TCF4: variants seen among roughly 807,000 people sequenced by gnomAD.
The protein encoded by TCF4 is SL3-3 enhancer factor 2.
Under a neutral mutation model 82.1 loss-of-function variants are expected in TCF4, and 3 were observed. That is an observed-to-expected ratio of 0.04 (90% CI 0.02 to 0.09). The LOEUF is 0.09. Ranked by LOEUF, TCF4 falls within the 10% of genes least tolerant of loss-of-function variation. The probability of loss-of-function intolerance (pLI) is 1.00; values close to 1 mark genes in which losing one functional copy is unlikely to be tolerated. For synonymous variants in TCF4, 276 were observed against 309.6 expected, an observed-to-expected ratio of 0.89 and a Z score of 1.14; for missense variants, 518 against 852.7, an observed-to-expected ratio of 0.61 and a Z score of 4.89.
At chr18:55,570,913 A>G (rs1354838760) in intron 3 of TCF4, among the ~76,000 whole-genome samples, 1 of 151,580 alleles carries the variant, frequency 6.6e-6, no homozygotes, top group Non-Finnish European at 1.5e-5. Flanking sequence ...AAAAAAGACT[A>G]TAATGGGATA....
intron 3 of TCF4, among the ~76,000 whole-genome samples, chr18:55,512,587 A>G (rs374606363): frequency 2.0e-4 from 30 of 152,226 alleles, no homozygotes; most frequent in African/African-American, 7.2e-4. Context: ...TATGGTGTCT[A>G]TAGACAGATA....
chr18:55,469,944 G>GGAATC (rs755778474), intron 3 of TCF4, among the ~76,000 whole-genome samples: 11 of 152,174 alleles, frequency 7.2e-5, no homozygotes, highest in Non-Finnish European at 1.5e-4. Flanking sequence ...AAGATAACAA[G>GGAATC]GAATCAGGGA....
intron 8 of TCF4, among the ~76,000 whole-genome samples, chr18:55,303,388 C>T (rs947337823): frequency 1.3e-5 from 2 of 152,098 alleles, no homozygotes; most frequent in Non-Finnish European, 2.9e-5. Flanking sequence ...AATTAAGGGT[C>T]AGTGTTAGTC....
intron 10 of TCF4, among the ~76,000 whole-genome samples, chr18:55,273,889 T>C (rs2060911105): frequency 6.6e-6 from 1 of 152,160 alleles, no homozygotes; most frequent in Admixed American, 6.6e-5. Context: ...AAGCACATTT[T>C]AAAGCTACTT....
At chr18:55,474,129 T>G (rs549411914) in intron 3 of TCF4, among the ~76,000 whole-genome samples, 1 of 152,192 alleles carries the variant, frequency 6.6e-6, no homozygotes, top group East Asian at 1.9e-4. Context: ...TACCTCCACA[T>G]GTATTTGAAG....
intron 6 of TCF4, among the ~76,000 whole-genome samples, chr18:55,368,946 TA>T (rs1473155321): frequency 6.6e-6 from 1 of 152,202 alleles, no homozygotes; most frequent in Non-Finnish European, 1.5e-5. Flanking sequence ...CATGGCTATG[TA>T]AAACAAAGGA....
intron 3 of TCF4, among the ~76,000 whole-genome samples, chr18:55,465,625 T>C (rs1208334702): frequency 2.6e-5 from 4 of 152,162 alleles, no homozygotes; most frequent in Non-Finnish European, 5.9e-5. Flanking sequence ...CAATCCAACA[T>C]GCTGGCCTAT....
intron 3 of TCF4, among the ~76,000 whole-genome samples, chr18:55,522,830 G>GA (rs1416219666): frequency 1.3e-5 from 2 of 151,884 alleles, no homozygotes; most frequent in Non-Finnish European, 2.9e-5. Context: ...ATCTAGTTAA[G>GA]AAAAAACTTT....
At chr18:55,229,163 AG>A (rs2047166269) in intron 17 of TCF4, 87 bp from the exon 18 acceptor site, 1 of 1,508,772 alleles carries the variant, frequency 6.6e-7, no homozygotes, top group Admixed American at 1.7e-5. Flanking sequence ...CAGAGTTTTC[AG>A]GGAACTTTTC....
At chr18:55,520,210 T>C (rs1414256255) in intron 3 of TCF4, among the ~76,000 whole-genome samples, 2 of 152,348 alleles carry the variant, frequency 1.3e-5, no homozygotes, top group Non-Finnish European at 2.9e-5. Context: ...ATTTATTCTT[T>C]CAAATTTTGA....
intron 3 of TCF4, among the ~76,000 whole-genome samples, chr18:55,548,187 C>T (rs1199728778): frequency 6.6e-6 from 1 of 152,228 alleles, no homozygotes; most frequent in African/African-American, 2.4e-5. Context: ...TAATGATTAA[C>T]ATGTGGATTT....
chr18:55,372,157 A>ATG (rs1174918115), intron 6 of TCF4, among the ~76,000 whole-genome samples: 2 of 151,850 alleles, frequency 1.3e-5, no homozygotes, highest in East Asian at 1.9e-4. Context: ...GTGTGTGTGT[A>ATG]TGTGTGTGTG....
chr18:55,314,115 G>A (rs138310629), intron 8 of TCF4, among the ~76,000 whole-genome samples: 410 of 152,190 alleles, frequency 2.7e-3, no homozygotes, highest in African/African-American at 9.3e-3. Context: ...ATTTCAAAGC[G>A]ACATGAAAAA....
chr18:55,443,819 T>C (rs1282772282), intron 5 of TCF4, among the ~76,000 whole-genome samples: 1 of 152,198 alleles, frequency 6.6e-6, no homozygotes, highest in Admixed American at 6.5e-5. Context: ...TAACTCCTTA[T>C]ATGCCCTACA....
chr18:55,564,734 T>C (rs954957627), intron 3 of TCF4, among the ~76,000 whole-genome samples: 3 of 152,190 alleles, frequency 2.0e-5, no homozygotes, highest in Admixed American at 2.0e-4. Flanking sequence ...ATACGTGAGC[T>C]GTCATCTTGG....
At chr18:55,247,692 G>A (rs540426628) in intron 15 of TCF4, among the ~76,000 whole-genome samples, 5 of 152,288 alleles carry the variant, frequency 3.3e-5, no homozygotes, top group African/African-American at 1.2e-4. Flanking sequence ...AGAATGCACT[G>A]GGAAGCAATG....
intron 10 of TCF4, among the ~76,000 whole-genome samples, chr18:55,271,423 T>C (rs2060345248): frequency 6.6e-6 from 1 of 152,130 alleles, no homozygotes; most frequent in Admixed American, 6.6e-5. Flanking sequence ...CAGAATTTAA[T>C]AAACAGTGGA....
At chr18:55,300,942 GTCA>G (rs2068057679) in intron 8 of TCF4, among the ~76,000 whole-genome samples, 1 of 152,138 alleles carries the variant, frequency 6.6e-6, no homozygotes, top group African/African-American at 2.4e-5. Flanking sequence ...TTAATACAAG[GTCA>G]TCGATCATGG....
Position 55,508,835 on chromosome 18 carries a change from G to A in TCF4, c.146-44698C>T, listed in dbSNP as rs559726047. Among the ~76,000 whole-genome samples, 451 of 152,230 alleles carry A rather than the reference G, an allele frequency of 3.0e-3. 1 individual carries two copies. Among genetic ancestry groups the A allele is most frequent in the African/African-American group, 0.01 (429 of 41,526 alleles). On this transcript the variant is annotated intron_variant, in intron 3 of 19. Transcript: ENST00000354452. ...CCGCAATACACGCTAAATGCTACAAGGTTTCATTTCACCATCCCTGCAAGA... is the reference window on the plus strand; with the variant it reads ...CCGCAATACACGCTAAATGCTACAAAGTTTCATTTCACCATCCCTGCAAGA...
Sources: gnomAD v4.1 joint callset for allele counts (sites outside exome capture counted in the v4.1 genomes callset) on GRCh38, gnomAD v4.1.1 for gene constraint, MANE v1.5 for transcripts, NCBI Gene and HGNC (gene_info 2026-07-23, HGNC 2026-07-21) for gene names.